MAP3K20: variants seen among roughly 807,000 people sequenced by gnomAD.
The protein encoded by MAP3K20 is HCCS-4.
MAP3K20 carries 40 observed loss-of-function variants against 85.7 expected under a neutral mutation model. That is an observed-to-expected ratio of 0.47 (90% CI 0.36 to 0.61). The LOEUF is 0.61. Ranked by LOEUF, MAP3K20 falls within the 20% of genes least tolerant of loss-of-function variation. MAP3K20 has a pLI of 0.00. For synonymous variants in MAP3K20, 325 were observed against 327.7 expected (o/e 0.99, Z 0.09); for missense variants, 817 against 961.7 (o/e 0.85, Z 1.99).
chr2:173,214,442 CTTGG>C (rs1684008988), intron 10 of MAP3K20: 1 of 152,196 alleles, frequency 6.6e-6, no homozygotes, highest in African/African-American at 2.4e-5. Flanking sequence ...TGGCAAAACA[CTTGG>C]TTGGTTGTGT....
chr2:173,238,358 T>C lies in MAP3K20; in HGVS notation c.1204-15T>C. 1.2e-6 allele frequency: 2 copies of C among 1,604,974 alleles called. No individual in the cohort carries two copies. The highest frequency in any genetic ancestry group is 8.5e-7 in the Non-Finnish European group (1 of 1,172,790). On this transcript the variant is annotated splice_polypyrimidine_tract_variant and intron_variant, in intron 14 of 19. Transcript: ENST00000375213. ...TTACTGGATCATTAATAAAGTCATA[T>C]GATTTTTTTTACAGTCAGCCATTGA... is the stretch of plus-strand genomic sequence containing the variant.
intron 11 of MAP3K20, chr2:173,221,053 C>G: frequency 9.9e-7 from 1 of 1,006,048 alleles, no homozygotes; most frequent in Non-Finnish European, 1.4e-6. Context: ...TCATTTACCT[C>G]CTGTGTAGTG....
intron 2 of MAP3K20, among the ~76,000 whole-genome samples, chr2:173,135,419 G>T (rs1688772751): frequency 6.6e-6 from 1 of 152,220 alleles, no homozygotes; most frequent in African/African-American, 2.4e-5. Flanking sequence ...GGAAATGAAA[G>T]TCCTGCATGG....
In MAP3K20 at chr2:173,137,527, G is replaced by C. The variant is rs561736540; in HGVS notation, c.160-32278G>C. On this transcript the variant is annotated intron_variant, in intron 2 of 19. Coordinates refer to ENST00000375213, the MANE Select transcript of MAP3K20 (RefSeq NM_016653.3). ...CTGGTTGAGTAATTTTAAAGTAAGA[G>C]AAATTGTCTAGTATGTAATTACATA... is the stretch of plus-strand genomic sequence containing the variant. Among the ~76,000 whole-genome samples the C allele has an allele frequency of 2.0e-5, 3 of 152,152 alleles. No individual in the cohort carries two copies. In the East Asian group the frequency reaches 5.8e-4, roughly 29 times the overall value.
intron 2 of MAP3K20, among the ~76,000 whole-genome samples, chr2:173,145,165 A>G (rs1049568928): frequency 5.9e-5 from 9 of 152,078 alleles, no homozygotes; most frequent in Non-Finnish European, 1.5e-5. Context: ...GTGACCTTTG[A>G]TAGCCAGATA....
chr2:173,175,046 C>A (rs1349274552), intron 3 of MAP3K20, among the ~76,000 whole-genome samples: 1 of 152,088 alleles, frequency 6.6e-6, no homozygotes, highest in Non-Finnish European at 1.5e-5. Context: ...GTTCATAGTT[C>A]CAGGAATAAT....
intron 16 of MAP3K20, among the ~76,000 whole-genome samples, chr2:173,249,160 C>A (rs1684987809): frequency 6.6e-6 from 1 of 152,184 alleles, no homozygotes; most frequent in Non-Finnish European, 1.5e-5. Flanking sequence ...AACGTGGAAA[C>A]AGTCATAGTT....
intron 2 of MAP3K20, among the ~76,000 whole-genome samples, chr2:173,149,884 T>C (rs1027224086): frequency 3.3e-5 from 5 of 152,242 alleles, no homozygotes; most frequent in African/African-American, 1.2e-4. Context: ...CATATTTGAA[T>C]GGAGAATACA....
intron 11 of MAP3K20, chr2:173,226,778 C>T: frequency 3.0e-6 from 3 of 985,420 alleles, no homozygotes; most frequent in Non-Finnish European, 3.6e-6. Context: ...CTTTTGCACT[C>T]TTAAAATTTT....
rs933363243 is a variant in MAP3K20, at chr2:173,194,623, G to A, written c.583-3403G>A. ...ATTTTTTATGTCTTTTCAAAAATAG[G>A]TGAGTAGCCAAGACTCCTTTGTCAG... On this transcript the variant is annotated intron_variant, in intron 7 of 19. Coordinates refer to ENST00000375213, the MANE Select transcript of MAP3K20 (RefSeq NM_016653.3). 3.9e-5 allele frequency among the ~76,000 whole-genome samples: 6 copies of A among 151,912 alleles called. 1 individual carries two copies. The highest frequency in any genetic ancestry group is 7.3e-5 in the African/African-American group (3 of 41,336).
In MAP3K20 at chr2:173,224,295, G is replaced by A. The variant is rs535515168; in HGVS notation, c.988-5394G>A. 2.3e-4 allele frequency: 225 copies of A among 985,376 alleles called. 2 individuals are homozygous for A. In the South Asian group the frequency reaches 0.01, roughly 44 times the overall value. The allele number at this position is 985,376 out of a possible 1,614,324, so 61.0% of individuals were successfully genotyped here. A position where few individuals can be genotyped will look rare whatever the true frequency, so the allele number is the denominator to read the frequency against. On this transcript the variant is annotated intron_variant, in intron 11 of 19. Transcript: ENST00000375213. The stretch of plus-strand genomic sequence containing the variant: ...TTCGGGATCCCTGCACTTTATGTAA[G>A]AATGTAAACCTGGAGTCTCATTTAA...
At chr2:173,178,503 G>A (rs1049511414) in intron 3 of MAP3K20, among the ~76,000 whole-genome samples, 1 of 152,026 alleles carries the variant, frequency 6.6e-6, no homozygotes, top group Admixed American at 6.6e-5. Flanking sequence ...AATTAGCCAG[G>A]CATGGTGGCA....
chr2:173,215,924 T>G (rs1266019789), intron 10 of MAP3K20: 1 of 152,188 alleles, frequency 6.6e-6, no homozygotes, highest in Admixed American at 6.5e-5. Context: ...GTCTCAATCA[T>G]GATTATGCCA....
intron 16 of MAP3K20, among the ~76,000 whole-genome samples, chr2:173,247,123 C>T (rs556401257): frequency 1.3e-5 from 2 of 152,314 alleles, no homozygotes; most frequent in Admixed American, 6.5e-5. Flanking sequence ...CCTCTTCTCC[C>T]ACTCCGCAGT....
chr2:173,121,854 C>A (rs1202836604), intron 2 of MAP3K20, among the ~76,000 whole-genome samples: 3 of 152,092 alleles, frequency 2.0e-5, no homozygotes, highest in African/African-American at 7.2e-5. Flanking sequence ...GACAGTTCAG[C>A]CTTGATAAGG....
At chr2:173,204,482 A>G (rs1359767213) in intron 9 of MAP3K20, among the ~76,000 whole-genome samples, 3 of 152,236 alleles carry the variant, frequency 2.0e-5, no homozygotes, top group African/African-American at 7.2e-5. Flanking sequence ...GTCCAGCTTC[A>G]GTGATGTTTT....
At chr2:173,261,735 G>A (rs564225552) in intron 18 of MAP3K20, among the ~76,000 whole-genome samples, 29 of 152,164 alleles carry the variant, frequency 1.9e-4, no homozygotes, top group African/African-American at 6.5e-4. Context: ...GAAAAATATC[G>A]TCCAGGCGCA....
chr2:173,147,732 G>A (rs1365193182), intron 2 of MAP3K20, among the ~76,000 whole-genome samples: 2 of 151,912 alleles, frequency 1.3e-5, no homozygotes, highest in Non-Finnish European at 1.5e-5. Context: ...GACTACAGGC[G>A]CCTGCCACCA....
chr2:173,190,085 A>G (rs1690603154), intron 5 of MAP3K20, among the ~76,000 whole-genome samples: 1 of 152,116 alleles, frequency 6.6e-6, no homozygotes, highest in African/African-American at 2.4e-5. Flanking sequence ...CAAAATTGCC[A>G]TACATTTTTT....
Sources: gnomAD v4.1 joint callset for allele counts (sites outside exome capture counted in the v4.1 genomes callset) on GRCh38, gnomAD v4.1.1 for gene constraint, MANE v1.5 for transcripts, NCBI Gene and HGNC (gene_info 2026-07-23, HGNC 2026-07-21) for gene names.